WNT3A: variants seen among roughly 807,000 people sequenced by gnomAD.
The protein encoded by WNT3A is Wnt family member 3A, also known as protein Wnt-3a.
Under a neutral mutation model 37.0 loss-of-function variants are expected in WNT3A, and 17 were observed. The observed-to-expected ratio is 0.46, with a 90% CI of 0.31 to 0.69. The LOEUF (loss-of-function observed/expected upper bound fraction) is 0.69. Ranked by LOEUF, WNT3A falls within the 30% of genes least tolerant of loss-of-function variation. The pLI is 0.05. For missense variants in WNT3A, 411 were observed against 510.2 expected, an observed-to-expected ratio of 0.81 and a Z score of 1.87; for synonymous variants, 187 against 211.0, an observed-to-expected ratio of 0.89 and a Z score of 0.99.
rs2031175572 is a variant in WNT3A, at chr1:228,037,630, A to C, written c.314-13026A>C. On this transcript the variant is annotated intron_variant, in intron 2 of 3. Coordinates refer to ENST00000284523, the MANE Select transcript of WNT3A (RefSeq NM_033131.4). This position sits in a 1 kb window ranked among gnomAD's most constrained non-coding sequence, Gnocchi z 4.1. ...CCCCAAAGCCAGGTTGCGACCCCTG[A>C]CCCCCCCCATCGGAAAGTGTTGCCG... is the stretch of plus-strand genomic sequence containing the variant. 6.6e-6 allele frequency among the ~76,000 whole-genome samples: 1 copy of C among 150,856 alleles called. No homozygotes were observed. The highest frequency in any genetic ancestry group is 2.0e-4 in the East Asian group (1 of 5,106).
chr1:228,023,362 C>T (rs938657847), intron 2 of WNT3A, among the ~76,000 whole-genome samples: 5 of 150,370 alleles, frequency 3.3e-5, no homozygotes, highest in Admixed American at 6.6e-5. Context: ...GACACAGACA[C>T]AGAGAGAGAG....
At chr1:228,017,778 C>T (rs896974176) in intron 1 of WNT3A, among the ~76,000 whole-genome samples, 3 of 152,172 alleles carry the variant, frequency 2.0e-5, no homozygotes, top group Admixed American at 1.3e-4. Flanking sequence ...GTGGCTCGGG[C>T]CCCTGGAGCT....
chr1:228,050,990 C>T lies in WNT3A; in HGVS notation c.579+69C>T. 12 of 1,454,338 alleles carry T rather than the reference C, an allele frequency of 8.3e-6. No homozygotes were observed. The highest frequency in any genetic ancestry group is 1.1e-5 in the Non-Finnish European group (12 of 1,106,092). The allele number at this position is 1,454,338 out of a possible 1,614,324, so 90.1% of individuals were successfully genotyped here. A position where few individuals can be genotyped will look rare whatever the true frequency, so the allele number is the denominator to read the frequency against. On this transcript the variant is annotated intron_variant, in intron 3 of 3. Transcript: ENST00000284523. The surrounding 1 kb of genome is among the most constrained non-coding windows in gnomAD (Gnocchi z 5.0). ...CTCAGCAGGGTGTGTGCCCTGGTTCCTTGGGGCATATGGCCCGGTGAGGCA... is the reference window on the plus strand; with the variant it reads ...CTCAGCAGGGTGTGTGCCCTGGTTCTTTGGGGCATATGGCCCGGTGAGGCA...
In WNT3A at chr1:228,060,215, A is replaced by T. The variant is rs41270171; in HGVS notation, c.*750A>T. The T allele has an allele frequency of 8.3e-3, 11,187 of 1,351,746 alleles. 61 individuals carry two copies. Among genetic ancestry groups the T allele is most frequent in the Non-Finnish European group, 9.7e-3 (9,949 of 1,021,496 alleles). 83.7% of individuals were successfully genotyped at this position (1,351,746 alleles called of 1,614,324 possible). The stretch of plus-strand genomic sequence containing the variant: ...TGGCTTCTGCAGGAATCCCGGCTCC[A>T]GAGCAGGAAATTCAGCCCACCAGCC... On this transcript the variant is annotated 3_prime_UTR_variant, in exon 4 of 4. Coordinates refer to ENST00000284523, the MANE Select transcript of WNT3A (RefSeq NM_033131.4).
At chr1:228,033,433 C>T (rs1031454598) in intron 2 of WNT3A, among the ~76,000 whole-genome samples, 4 of 152,172 alleles carry the variant, frequency 2.6e-5, no homozygotes, top group Non-Finnish European at 5.9e-5. Flanking sequence ...GTTCTTTCCC[C>T]TTTGAATAGT....
intron 2 of WNT3A, among the ~76,000 whole-genome samples, chr1:228,045,309 G>A (rs2102776571): frequency 6.6e-6 from 1 of 152,318 alleles, no homozygotes; most frequent in African/African-American, 2.4e-5. Context: ...GAGGTGGGAA[G>A]GCAGACTCAG....
rs2030265581 is a variant in WNT3A at position 228,008,315 on chromosome 1, A to G, written c.71+1116A>G. Among the ~76,000 whole-genome samples the G allele has an allele frequency of 6.6e-6, 1 of 152,182 alleles. No individual in the cohort carries two copies. Among genetic ancestry groups the G allele is most frequent in the Non-Finnish European group, 1.5e-5 (1 of 68,020 alleles). On this transcript the variant is annotated intron_variant, in intron 1 of 3. Coordinates refer to ENST00000284523, the MANE Select transcript of WNT3A (RefSeq NM_033131.4). The surrounding 1 kb of genome is among the most constrained non-coding windows in gnomAD (Gnocchi z 4.9). The stretch of plus-strand genomic sequence containing the variant: ...TCCGACGGCAGCCTGGAATTATAAT[A>G]ATTACGCCGAGGGGAAGGGGGGAGA...
chr1:228,026,946 G>A (rs982088107), intron 2 of WNT3A, among the ~76,000 whole-genome samples: 2 of 152,134 alleles, frequency 1.3e-5, no homozygotes, highest in African/African-American at 2.4e-5. Flanking sequence ...GGTTTCAAGC[G>A]ATTCTCCTGC....
At position 228,007,833 on chromosome 1, in the gene WNT3A, A is replaced by T. The variant is rs972177963; in HGVS notation, c.71+634A>T. Among the ~76,000 whole-genome samples, 2 of 151,340 alleles carry T rather than the reference A, an allele frequency of 1.3e-5. No homozygotes were observed. The highest frequency in any genetic ancestry group is 4.8e-5 in the African/African-American group (2 of 41,244). On this transcript the variant is annotated intron_variant, in intron 1 of 3. Coordinates refer to ENST00000284523, the MANE Select transcript of WNT3A (RefSeq NM_033131.4). The surrounding 1 kb of genome is among the most constrained non-coding windows in gnomAD (Gnocchi z 6.0). ...GGGGCCCTCTCTGCGAGCCCTCCGCATGGGTCCACCTGGCAATGAGGGGCT... is the reference window on the plus strand; with the variant it reads ...GGGGCCCTCTCTGCGAGCCCTCCGCTTGGGTCCACCTGGCAATGAGGGGCT...
intron 2 of WNT3A, among the ~76,000 whole-genome samples, chr1:228,047,274 T>A (rs1265975041): frequency 6.6e-6 from 1 of 152,140 alleles, no homozygotes; most frequent in Non-Finnish European, 1.5e-5. Flanking sequence ...ATCAGGGGGC[T>A]GTTGGCCAAT....
At position 228,007,558 on chromosome 1, in the gene WNT3A, C is replaced by G. The variant is rs1211167655; in HGVS notation, c.71+359C>G. 6.6e-6 allele frequency among the ~76,000 whole-genome samples: 1 copy of G among 152,054 alleles called. No homozygotes were observed. Among genetic ancestry groups the G allele is most frequent in the Non-Finnish European group, 1.5e-5 (1 of 68,010 alleles). ...AGGCAGCTCGAGGCCAGGGGACAGGCGAGGGAAGAGGGCCAGCGAGAGAGA... is the reference window on the plus strand; with the variant it reads ...AGGCAGCTCGAGGCCAGGGGACAGGGGAGGGAAGAGGGCCAGCGAGAGAGA... On this transcript the variant is annotated intron_variant, in intron 1 of 3. Transcript: ENST00000284523. This position sits in a 1 kb window ranked among gnomAD's most constrained non-coding sequence, Gnocchi z 6.0.
intron 2 of WNT3A, among the ~76,000 whole-genome samples, chr1:228,032,047 C>G (rs1199358674): frequency 6.6e-6 from 1 of 152,182 alleles, no homozygotes; most frequent in African/African-American, 2.4e-5. Context: ...CCCTGCTACC[C>G]TCGGGAATCT....
In WNT3A at chr1:228,008,906, T is replaced by A. The variant is rs1416702475; in HGVS notation, c.71+1707T>A. On this transcript the variant is annotated intron_variant, in intron 1 of 3. Coordinates refer to ENST00000284523, the MANE Select transcript of WNT3A (RefSeq NM_033131.4). The surrounding 1 kb of genome is among the most constrained non-coding windows in gnomAD (Gnocchi z 4.9). ...ATACCTCCTTTTCACCTGGGCCCCC[T>A]GTGTTCTACCCTGAATGGACCCTGA... Among the ~76,000 whole-genome samples the A allele has an allele frequency of 6.6e-6, 1 of 151,062 alleles. No individual in the cohort carries two copies.
chr1:228,021,492 C>G (rs527868654), intron 1 of WNT3A, among the ~76,000 whole-genome samples: 1 of 152,284 alleles, frequency 6.6e-6, no homozygotes, highest in South Asian at 2.1e-4. Context: ...TTGAGCCCCT[C>G]CTCCCCACGT....
At chr1:228,036,767 T>G (rs910880982) in intron 2 of WNT3A, among the ~76,000 whole-genome samples, 3 of 152,112 alleles carry the variant, frequency 2.0e-5, no homozygotes, top group Admixed American at 6.5e-5. Context: ...CCTGGCAAGG[T>G]AAAGCTGGCA....
Position 228,007,530 on chromosome 1 carries a change from G to A in WNT3A, c.71+331G>A, listed in dbSNP as rs147310879. Reference sequence around the variant, plus strand: ...GGTCGGCACGCACGGTCACCGAGGGGACAGGCAGCTCGAGGCCAGGGGACA... The same window carrying A: ...GGTCGGCACGCACGGTCACCGAGGGAACAGGCAGCTCGAGGCCAGGGGACA... On this transcript the variant is annotated intron_variant, in intron 1 of 3. Coordinates refer to ENST00000284523, the MANE Select transcript of WNT3A (RefSeq NM_033131.4). This position sits in a 1 kb window ranked among gnomAD's most constrained non-coding sequence, Gnocchi z 6.0. 6.6e-6 allele frequency among the ~76,000 whole-genome samples: 1 copy of A among 152,282 alleles called. No homozygotes were observed. Among genetic ancestry groups the A allele is most frequent in the Non-Finnish European group, 1.5e-5 (1 of 68,022 alleles).
At chr1:228,011,829 C>T (rs2030381372) in intron 1 of WNT3A, among the ~76,000 whole-genome samples, 1 of 152,226 alleles carries the variant, frequency 6.6e-6, no homozygotes, top group African/African-American at 2.4e-5. Flanking sequence ...GCTGCCCACA[C>T]ACAAACCCCT....
rs890272135 is a variant in WNT3A, at chr1:228,039,487, G to T, written c.314-11169G>T. ...ACACCCTCCCAACCCCCTTCTCCTG[G>T]CAGGCTCCTGTTCAGGGTCTTGTCC... On this transcript the variant is annotated intron_variant, in intron 2 of 3. Transcript: ENST00000284523. This position sits in a 1 kb window ranked among gnomAD's most constrained non-coding sequence, Gnocchi z 4.1. Among the ~76,000 whole-genome samples, 4 of 152,160 alleles carry T rather than the reference G, an allele frequency of 2.6e-5. No individual in the cohort carries two copies. Among genetic ancestry groups the T allele is most frequent in the African/African-American group, 4.8e-5 (2 of 41,430 alleles).
intron 3 of WNT3A, among the ~76,000 whole-genome samples, chr1:228,052,184 G>T (rs2031569658): frequency 6.6e-6 from 1 of 152,002 alleles, no homozygotes; most frequent in South Asian, 2.1e-4. Flanking sequence ...GGGGACACAG[G>T]GTCTTGCTGG....
Sources: gnomAD v4.1 joint callset for allele counts (sites outside exome capture counted in the v4.1 genomes callset) on GRCh38, gnomAD v4.1.1 for gene constraint, Gnocchi (gnomAD v3.1) non-coding constraint, MANE v1.5 for transcripts, NCBI Gene and HGNC (gene_info 2026-07-23, HGNC 2026-07-21) for gene names.